The following NINL variants were observed in gnomAD, a reference collection of about 807,000 sequenced individuals.
The protein encoded by NINL is ninein like.
A neutral mutation model predicts 160.3 loss-of-function variants in NINL; 153 were observed. The ratio of observed to expected loss-of-function variants is 0.95; its 90% CI spans 0.84 to 1.09. The LOEUF (loss-of-function observed/expected upper bound fraction) is 1.09. Ranked by LOEUF, NINL falls within the 50% of genes least tolerant of loss-of-function variation. The probability of loss-of-function intolerance (pLI) is 0.00; values close to 1 mark genes in which losing one functional copy is unlikely to be tolerated. For missense variants in NINL, 1,829 were observed against 1,764.0 expected (o/e 1.04, Z -0.66); for synonymous variants, 800 against 734.8 (o/e 1.09, Z -1.43).
chr20:25,530,236 C>T (rs376575639), intron 1 of NINL, among the ~76,000 whole-genome samples: 1 of 152,334 alleles, frequency 6.6e-6, no homozygotes, highest in East Asian at 1.9e-4. Context: ...CGGTGAGGCA[C>T]ACGCACGTAC....
intron 4 of NINL, 111 bp from the exon 5 acceptor site, chr20:25,510,851 T>C: frequency 2.5e-6 from 2 of 811,220 alleles, no homozygotes; most frequent in Admixed American, 4.4e-5. Flanking sequence ...TGGCTGAGTA[T>C]GGAGTCAATC....
chr20:25,542,201 A>T (rs1030048085), intron 1 of NINL, among the ~76,000 whole-genome samples: 1 of 152,222 alleles, frequency 6.6e-6, no homozygotes. Context: ...CCTTGCATTC[A>T]GCCTTCCTGG....
intron 9 of NINL, among the ~76,000 whole-genome samples, chr20:25,497,515 A>T (rs1438033088): frequency 6.6e-6 from 1 of 152,224 alleles, no homozygotes; most frequent in East Asian, 1.9e-4. Context: ...TAGGATTGAG[A>T]TTGTGGTTTC....
chr20:25,570,918 G>C (rs964669022), intron 1 of NINL, among the ~76,000 whole-genome samples: 1 of 151,616 alleles, frequency 6.6e-6, no homozygotes. Context: ...GGCCAGGCTG[G>C]TCTCAAACTC....
At chr20:25,522,522 A>G (rs1219187604) in intron 2 of NINL, among the ~76,000 whole-genome samples, 1 of 152,260 alleles carries the variant, frequency 6.6e-6, no homozygotes, top group Non-Finnish European at 1.5e-5. Flanking sequence ...ACATGAAGAT[A>G]GAAACTGTGA....
intron 1 of NINL, among the ~76,000 whole-genome samples, chr20:25,578,210 C>A (rs1384077535): frequency 6.6e-6 from 1 of 150,810 alleles, no homozygotes; most frequent in Non-Finnish European, 1.5e-5. Context: ...CAGGATCAAG[C>A]GATTCTTCCA....
At chr20:25,495,663 C>T (rs60229765) in intron 10 of NINL, among the ~76,000 whole-genome samples, 8 of 152,170 alleles carry the variant, frequency 5.3e-5, no homozygotes, top group Non-Finnish European at 1.2e-4. Flanking sequence ...TGAGCTACCC[C>T]GGAGGACCCT....
intron 1 of NINL, among the ~76,000 whole-genome samples, chr20:25,583,986 G>C (rs1376280360): frequency 1.3e-5 from 2 of 152,056 alleles, no homozygotes; most frequent in Admixed American, 6.6e-5. Context: ...CTGTCGGGGC[G>C]GGTGGGGGGC....
intron 1 of NINL, among the ~76,000 whole-genome samples, chr20:25,559,220 C>A (rs1360023482): frequency 6.6e-6 from 1 of 152,108 alleles, no homozygotes; most frequent in Admixed American, 6.6e-5. Context: ...GCAGTGTGCT[C>A]AGCTCGGGGA....
rs1439569863 is a variant in NINL at position 25,510,996 on chromosome 20, G to T, written c.451-256C>A. 2.0e-5 allele frequency among the ~76,000 whole-genome samples: 3 copies of T among 152,284 alleles called. 1 individual carries two copies. In the South Asian group the frequency reaches 6.2e-4, roughly 32 times the overall value. ...ACATGCCTTGTTCTGCACGCTCGGG[G>T]CTCCTCAATATAAACCCAGTCATCA... On this transcript the variant is annotated intron_variant, in intron 4 of 23. Transcript: ENST00000278886.
intron 1 of NINL, among the ~76,000 whole-genome samples, chr20:25,568,150 TC>T (rs1170551478): frequency 6.6e-6 from 1 of 151,192 alleles, no homozygotes; most frequent in Non-Finnish European, 1.5e-5. Context: ...TTTTTGAAGT[TC>T]AATAAAATTG....
intron 1 of NINL, among the ~76,000 whole-genome samples, chr20:25,551,406 T>C (rs931991678): frequency 1.3e-5 from 2 of 150,020 alleles, no homozygotes; most frequent in African/African-American, 2.4e-5. Flanking sequence ...AAAGAAAAGA[T>C]AGAAAAGAAA....
intron 2 of NINL, among the ~76,000 whole-genome samples, chr20:25,522,797 G>A (rs1254373584): frequency 6.6e-6 from 1 of 152,116 alleles, no homozygotes; most frequent in Non-Finnish European, 1.5e-5. Flanking sequence ...CTTCTTTACA[G>A]TTCACAAAAG....
chr20:25,496,765 GCCTTGTCACGCTC>G lies in NINL; in HGVS notation c.1195_1207del (p.Glu399GlnfsTer16). 6.2e-7 allele frequency: 1 copy of G among 1,614,010 alleles called. No individual in the cohort carries two copies. The highest frequency in any genetic ancestry group is 8.5e-7 in the Non-Finnish European group (1 of 1,180,012). The stretch of plus-strand genomic sequence containing the variant: ...CTCGGCCCTCTCCAGGTCCTGCCTT[GCCTTGTCACGCTC>G]CCTTGCCAGCTGCTCCACCTGCCCT... On this transcript the variant is annotated frameshift_variant, in exon 10 of 24. Transcript: ENST00000278886. LOFTEE classifies it high-confidence loss of function.
intron 17 of NINL, among the ~76,000 whole-genome samples, chr20:25,475,486 C>A (rs2063208073): frequency 6.6e-6 from 1 of 152,136 alleles, no homozygotes; most frequent in Non-Finnish European, 1.5e-5. Flanking sequence ...CCTTATGATG[C>A]AAAAATTGAT....
intron 1 of NINL, among the ~76,000 whole-genome samples, chr20:25,544,972 G>A (rs754273735): frequency 5.3e-5 from 8 of 152,182 alleles, no homozygotes; most frequent in African/African-American, 9.7e-5. Flanking sequence ...CTTTATCTCC[G>A]TAAGTATGAC....
intron 19 of NINL, among the ~76,000 whole-genome samples, chr20:25,464,596 C>T (rs533053998): frequency 6.6e-6 from 1 of 152,332 alleles, no homozygotes; most frequent in East Asian, 1.9e-4. Flanking sequence ...CAGGCGCACA[C>T]ATGATGTCTT....
intron 11 of NINL, 57 bp from the exon 12 acceptor site, chr20:25,490,042 C>T: frequency 6.8e-7 from 1 of 1,469,820 alleles, no homozygotes; most frequent in Non-Finnish European, 9.5e-7. Flanking sequence ...GGGATGTGTG[C>T]AGGATGGAGG....
chr20:25,546,238 A>C lies in NINL; in HGVS notation c.-11-19640T>G, dbSNP rs1385956459. ...GGTTTTCCATTAACACCTTCACAGC[A>C]TACACTTGAGTTTTTAAGGTTGAGC... On this transcript the variant is annotated intron_variant, in intron 1 of 23. Transcript: ENST00000278886. Among the ~76,000 whole-genome samples, 5 of 152,256 alleles carry C rather than the reference A, an allele frequency of 3.3e-5. No homozygotes were observed. In the East Asian group the frequency reaches 9.7e-4, roughly 29 times the overall value.
Sources: allele counts gnomAD v4.1 joint callset (sites outside exome capture counted in the v4.1 genomes callset), GRCh38; gene constraint gnomAD v4.1.1; transcripts MANE v1.5; gene names NCBI Gene and HGNC (gene_info 2026-07-23, HGNC 2026-07-21).